Variants in RUNX1T1 observed in about 807,000 individuals in gnomAD.
The protein encoded by RUNX1T1 is RUNX1 partner transcriptional co-repressor 1, also known as protein CBFA2T1.
A neutral mutation model predicts 62.8 loss-of-function variants in RUNX1T1; 4 were observed. That is an observed-to-expected ratio of 0.06 (90% CI 0.03 to 0.15). RUNX1T1 has a LOEUF of 0.15. Among genes scored for constraint, RUNX1T1 ranks in the 10% least tolerant of loss-of-function variants. RUNX1T1 has a pLI of 1.00. For missense variants in RUNX1T1, 508 were observed against 754.3 expected, an observed-to-expected ratio of 0.67 and a Z score of 3.82; for synonymous variants, 291 against 286.0, an observed-to-expected ratio of 1.02 and a Z score of -0.18.
intron 9 of RUNX1T1, 104 bp from the exon 11 acceptor site, chr8:91,970,952 CTGGT>C: frequency 1.0e-6 from 1 of 985,206 alleles, no homozygotes; most frequent in Non-Finnish European, 1.4e-6. Flanking sequence ...CTTTCCGAGG[CTGGT>C]CTCGAACCCC....
chr8:91,965,085 G>A (rs1458615913), intron 10 of RUNX1T1, among the ~76,000 whole-genome samples: 1 of 152,160 alleles, frequency 6.6e-6, no homozygotes, highest in African/African-American at 2.4e-5. Flanking sequence ...CTGGAAGAAA[G>A]AGAGAGTAGA....
At chr8:91,971,852 G>A (rs542074671) in intron 9 of RUNX1T1, among the ~76,000 whole-genome samples, 4 of 152,192 alleles carry the variant, frequency 2.6e-5, no homozygotes, top group African/African-American at 9.6e-5. Context: ...TACAACATAA[G>A]ACTGACAACT....
intron 8 of RUNX1T1, among the ~76,000 whole-genome samples, chr8:91,984,832 G>T (rs1471873657): frequency 6.6e-6 from 1 of 151,884 alleles, no homozygotes; most frequent in Non-Finnish European, 1.5e-5. Context: ...TTCTGTTTTC[G>T]TTGCTTGCCT....
intron 1 of RUNX1T1, among the ~76,000 whole-genome samples, chr8:92,043,398 C>G (rs1436125730): frequency 6.6e-6 from 1 of 150,392 alleles, no homozygotes; most frequent in Non-Finnish European, 1.5e-5. Flanking sequence ...AGTATATATA[C>G]TAAGGAAGGA....
chr8:92,050,047 A>G (rs1055692184), intron 1 of RUNX1T1, among the ~76,000 whole-genome samples: 1 of 152,212 alleles, frequency 6.6e-6, no homozygotes, highest in African/African-American at 2.4e-5. Context: ...TCCAATTAAT[A>G]AGGCAGTTTG....
rs1433089059 is a variant in RUNX1T1 at position 91,986,984 on chromosome 8, G to A, written c.911-12C>T. ...TGTGCCATGCAACCCTACAAAAATAGAGAAGGCTGAATAACCCTAAAGCAT... is the reference window on the plus strand; with the variant it reads ...TGTGCCATGCAACCCTACAAAAATAAAGAAGGCTGAATAACCCTAAAGCAT... On this transcript the variant is annotated splice_polypyrimidine_tract_variant and intron_variant, in intron 6 of 10. Coordinates refer to ENST00000396218, the Ensembl canonical transcript of RUNX1T1. 6.3e-7 allele frequency: 1 copy of A among 1,575,076 alleles called. No individual in the cohort carries two copies. The highest frequency in any genetic ancestry group is 8.7e-7 in the Non-Finnish European group (1 of 1,145,230).
At chr8:91,960,461 G>A in exon 11 of RUNX1T1, 1 of 1,614,196 alleles carries the variant, frequency 6.2e-7, no homozygotes, top group Non-Finnish European at 8.5e-7. Flanking sequence ...CACAGTATCG[G>A]GCTGTGTTAC....
chr8:92,094,082 A>C (rs942900356), intron 1 of RUNX1T1, among the ~76,000 whole-genome samples: 1 of 152,198 alleles, frequency 6.6e-6, no homozygotes, highest in Non-Finnish European at 1.5e-5. Context: ...TTGGTCTGTG[A>C]ATTTCAGTGT....
At chr8:92,100,318 G>A (rs924562747), upstream of RUNX1T1, among the ~76,000 whole-genome samples, 1 of 152,022 alleles carries the variant, frequency 6.6e-6, no homozygotes, top group African/African-American at 2.4e-5. Context: ...CTTTTATTAG[G>A]TATAAACTGG....
At chr8:92,089,033 C>G (rs925247095) in intron 1 of RUNX1T1, among the ~76,000 whole-genome samples, 2 of 152,166 alleles carry the variant, frequency 1.3e-5, no homozygotes, top group Admixed American at 1.3e-4. Context: ...AGTGCTTCCT[C>G]TGACATCCAT....
intron 8 of RUNX1T1, among the ~76,000 whole-genome samples, chr8:91,976,498 A>G (rs1302682952): frequency 6.6e-6 from 1 of 152,158 alleles, no homozygotes; most frequent in East Asian, 1.9e-4. Flanking sequence ...TTTTCACACA[A>G]ATTAGATCAT....
At chr8:92,096,234 A>C (rs1479539909) in intron 1 of RUNX1T1, among the ~76,000 whole-genome samples, 1 of 152,086 alleles carries the variant, frequency 6.6e-6, no homozygotes, top group Non-Finnish European at 1.5e-5. Flanking sequence ...GACCTGCTCC[A>C]CCTCCAGAAA....
chr8:92,046,173 A>G (rs1230052692), intron 1 of RUNX1T1, among the ~76,000 whole-genome samples: 1 of 152,156 alleles, frequency 6.6e-6, no homozygotes, highest in Non-Finnish European at 1.5e-5. Flanking sequence ...TTTGACTTTT[A>G]ATATGTTCAT....
At chr8:92,066,245 A>C (rs1832855562), upstream of RUNX1T1, among the ~76,000 whole-genome samples, 1 of 152,090 alleles carries the variant, frequency 6.6e-6, no homozygotes, top group South Asian at 2.1e-4. Flanking sequence ...CTTAGAGGAG[A>C]CCCTTCCACA....
At chr8:92,091,231 T>C (rs541971802) in intron 1 of RUNX1T1, among the ~76,000 whole-genome samples, 6 of 152,340 alleles carry the variant, frequency 3.9e-5, no homozygotes, top group Admixed American at 2.6e-4. Flanking sequence ...TTAGAGGCCT[T>C]GATCGATATG....
At chr8:92,102,711 A>G, upstream of RUNX1T1, 1 of 770,014 alleles carries the variant, frequency 1.3e-6, no homozygotes, top group Non-Finnish European at 1.9e-6. This position sits in a 1 kb window ranked among gnomAD's most constrained non-coding sequence, Gnocchi z 4.5. Flanking sequence ...GCGTAGTCCT[A>G]CCCTAATTGA....
At chr8:92,089,885 G>C (rs1405674747) in intron 1 of RUNX1T1, among the ~76,000 whole-genome samples, 1 of 120,904 alleles carries the variant, frequency 8.3e-6, no homozygotes, top group Non-Finnish European at 1.6e-5. Flanking sequence ...TTCCCAGTTA[G>C]ATGAAGATTT....
At chr8:92,035,878 G>A (rs988022449) in intron 1 of RUNX1T1, among the ~76,000 whole-genome samples, 1 of 151,924 alleles carries the variant, frequency 6.6e-6, no homozygotes, top group African/African-American at 2.4e-5. Context: ...GAAAACCATT[G>A]GGGAACCTAG....
At chr8:92,054,320 C>T (rs1303275807) in intron 1 of RUNX1T1, among the ~76,000 whole-genome samples, 1 of 152,138 alleles carries the variant, frequency 6.6e-6, no homozygotes, top group South Asian at 2.1e-4. Flanking sequence ...CAAGCATAGG[C>T]AAAACTCAGA....
Sources: gnomAD v4.1 joint callset for allele counts (sites outside exome capture counted in the v4.1 genomes callset) on GRCh38, gnomAD v4.1.1 for gene constraint, Gnocchi (gnomAD v3.1) non-coding constraint, MANE v1.5 for transcripts, NCBI Gene and HGNC (gene_info 2026-07-23, HGNC 2026-07-21) for gene names.